NHSL2: variants seen among roughly 807,000 people sequenced by gnomAD.
The protein encoded by NHSL2 is NHS like 2, also known as NHS-like protein 2.
A neutral mutation model predicts 53.4 loss-of-function variants in NHSL2; 27 were observed. The ratio of observed to expected loss-of-function variants is 0.51; its 90% CI spans 0.37 to 0.70. NHSL2 has a LOEUF of 0.70. Ranked by LOEUF, NHSL2 falls within the 30% of genes least tolerant of loss-of-function variation. The pLI, the probability that NHSL2 is intolerant of heterozygous loss-of-function variation, is 0.00. For synonymous variants in NHSL2, 408 were observed against 404.1 expected (o/e 1.01, Z -0.12); for missense variants, 892 against 980.1 (o/e 0.91, Z 1.20).
chrX:72,142,604 G>C lies in NHSL2; in HGVS notation c.3356+240G>C, dbSNP rs148375713. On this transcript the variant is annotated intron_variant, in intron 7 of 7. Transcript: ENST00000633930. ...AAATTCACTGACATCGTTGGGTAAA[G>C]TGGAGGAAGGGAGGGGAGAGGAGGA... Among the ~76,000 whole-genome samples, 2,705 of 111,279 alleles carry C rather than the reference G, an allele frequency of 0.024. 132 individuals carry two copies. The East Asian group carries it at 0.28, about 12-fold the overall frequency.
chrX:72,099,055 G>A (rs779656193), intron 1 of NHSL2, among the ~76,000 whole-genome samples: 1 of 111,305 alleles, frequency 9.0e-6, no homozygotes, highest in Non-Finnish European at 1.9e-5. Context: ...TCTTCTTAAT[G>A]GCTGCATATC....
chrX:71,935,592 C>T (rs2041734456), intron 1 of NHSL2, among the ~76,000 whole-genome samples: 2 of 112,618 alleles, frequency 1.8e-5, no homozygotes, highest in African/African-American at 6.4e-5. Context: ...TTCTGAGGTA[C>T]ACTCTGTAGC....
intron 1 of NHSL2, among the ~76,000 whole-genome samples, chrX:71,986,578 A>G (rs1036957762): frequency 8.9e-6 from 1 of 112,323 alleles, no homozygotes; most frequent in African/African-American, 3.2e-5. Flanking sequence ...AGAAAACCAA[A>G]TTTCATATTT....
At chrX:72,108,501 G>A (rs141703828) in intron 1 of NHSL2, among the ~76,000 whole-genome samples, 1 of 112,962 alleles carries the variant, frequency 8.9e-6, no homozygotes. Flanking sequence ...GCTGATAAGC[G>A]ACAGAGCCAG....
chrX:72,016,359 C>A (rs1285136309), intron 1 of NHSL2, among the ~76,000 whole-genome samples: 1 of 112,029 alleles, frequency 8.9e-6, no homozygotes, highest in Non-Finnish European at 1.9e-5. Flanking sequence ...CAATGCCACA[C>A]CCTGTTAATT....
intron 1 of NHSL2, among the ~76,000 whole-genome samples, chrX:71,950,901 A>T (rs910521482): frequency 3.6e-5 from 4 of 110,691 alleles, no homozygotes; most frequent in African/African-American, 1.3e-4. Context: ...GAAGCATTAG[A>T]GTTAAGTCCA....
At chrX:72,131,464 C>A (rs1004846103) in intron 1 of NHSL2, 11 of 1,207,503 alleles carry the variant, frequency 9.1e-6, no homozygotes, top group Non-Finnish European at 1.1e-5. Context: ...ATTCTCCCCG[C>A]GAAGGGCATT....
chrX:71,991,675 G>T (rs766437175), intron 1 of NHSL2, among the ~76,000 whole-genome samples: 1 of 112,772 alleles, frequency 8.9e-6, no homozygotes, highest in South Asian at 3.6e-4. Context: ...CTATACAGAG[G>T]GCACTGGTTG....
In NHSL2 at chrX:72,138,914, G is replaced by A; in HGVS notation, c.1366G>A (p.Gly456Ser). The change falls in exon 6 of 8, where the codon GGC becomes AGC. Residue 456 changes from glycine to serine, a missense_variant. By Grantham distance (56) the Gly-to-Ser change is moderately conservative. Transcript: ENST00000633930. ...DNPAGCSGSA[G>S]YPERLIQQRH... The stretch of plus-strand genomic sequence containing the variant: ...CCCAGCAGGATGCAGTGGGTCAGCT[G>A]GCTACCCTGAGCGCCTTATTCAGCA... 1 of 1,210,060 alleles carries A rather than the reference G, an allele frequency of 8.3e-7. No individual in the cohort carries two copies. Among genetic ancestry groups the A allele is most frequent in the Non-Finnish European group, 1.1e-6 (1 of 894,516 alleles).
In NHSL2 at chrX:72,041,321, T is replaced by A. The variant is rs1335394757; in HGVS notation, c.281-90758T>A. Reference sequence around the variant, plus strand: ...GTGGCCCTCCGTGCTCAGAGTACCATAGGGATGTGTGCGGACCGTGGGAAA... The same window carrying A: ...GTGGCCCTCCGTGCTCAGAGTACCAAAGGGATGTGTGCGGACCGTGGGAAA... On this transcript the variant is annotated intron_variant, in intron 1 of 7. Coordinates refer to ENST00000633930, the MANE Select transcript of NHSL2 (RefSeq NM_001013627.3). Among the ~76,000 whole-genome samples the A allele has an allele frequency of 2.7e-5, 3 of 111,450 alleles. No individual in the cohort carries two copies. The East Asian group carries it at 8.4e-4, about 31-fold the overall frequency.
Position 72,011,591 on chromosome X carries a change from A to C in NHSL2, c.280+100224A>C, listed in dbSNP as rs1310690657. Among the ~76,000 whole-genome samples the C allele has an allele frequency of 5.4e-5, 6 of 111,016 alleles. No individual in the cohort carries two copies. In the East Asian group the frequency reaches 1.1e-3, roughly 21 times the overall value. On this transcript the variant is annotated intron_variant, in intron 1 of 7. Coordinates refer to ENST00000633930, the MANE Select transcript of NHSL2 (RefSeq NM_001013627.3). ...AGGCTGAGGCAGGAGAATTGCTTCAACCTGGGAGGTGGAGGTTGCAGTGAG... is the reference window on the plus strand; with the variant it reads ...AGGCTGAGGCAGGAGAATTGCTTCACCCTGGGAGGTGGAGGTTGCAGTGAG...
chrX:72,022,207 G>A (rs1190243692), intron 1 of NHSL2, among the ~76,000 whole-genome samples: 1 of 111,901 alleles, frequency 8.9e-6, no homozygotes, highest in Non-Finnish European at 1.9e-5. Context: ...CCTGTTGGTG[G>A]TTTGAAGAGC....
intron 4 of NHSL2, among the ~76,000 whole-genome samples, chrX:72,136,462 A>G (rs2042356495): frequency 8.9e-6 from 1 of 112,094 alleles, no homozygotes; most frequent in Non-Finnish European, 1.9e-5. Flanking sequence ...AGCCAGTGCC[A>G]GGAAAAAAAG....
rs941133609 is a variant in NHSL2, at chrX:72,151,390, T to C, written c.*7816T>C. The C allele has an allele frequency of 7.2e-5, 8 of 111,628 alleles. No individual in the cohort carries two copies. The highest frequency in any genetic ancestry group is 2.6e-4 in the African/African-American group (8 of 30,602). 9.2% of individuals were successfully genotyped at this position (111,628 alleles called of 1,213,427 possible). ...GGCTGACCCCTGATCCAGACTGTCT[T>C]CTGAGACAAGCATTTCTGTGAGCTG... On this transcript the variant is annotated 3_prime_UTR_variant, in exon 8 of 8. Coordinates refer to ENST00000633930, the MANE Select transcript of NHSL2 (RefSeq NM_001013627.3).
At chrX:72,026,370 G>A (rs1057315015) in intron 1 of NHSL2, among the ~76,000 whole-genome samples, 5 of 112,339 alleles carry the variant, frequency 4.5e-5, no homozygotes, top group Admixed American at 1.9e-4. Context: ...GCCTCAGAAG[G>A]AAAAGGGCCT....
intron 1 of NHSL2, among the ~76,000 whole-genome samples, chrX:72,004,621 A>G (rs1353671599): frequency 1.4e-4 from 16 of 110,748 alleles, no homozygotes; most frequent in African/African-American, 4.9e-4. Context: ...CGGCCCTGCA[A>G]TTCAGGCCAT....
At chrX:72,018,024 C>G (rs2042142523) in intron 1 of NHSL2, among the ~76,000 whole-genome samples, 2 of 112,195 alleles carry the variant, frequency 1.8e-5, no homozygotes, top group African/African-American at 6.5e-5. Context: ...TCACTGCCCT[C>G]TGCCCTATAT....
intron 1 of NHSL2, among the ~76,000 whole-genome samples, chrX:72,039,633 C>A (rs929704501): frequency 5.4e-5 from 6 of 111,846 alleles, no homozygotes; most frequent in Non-Finnish European, 1.1e-4. Flanking sequence ...TCAGCTGCGT[C>A]CTGTGTGGAG....
chrX:72,113,713 C>G (rs1389027305), intron 1 of NHSL2, among the ~76,000 whole-genome samples: 2 of 112,478 alleles, frequency 1.8e-5, no homozygotes, highest in East Asian at 5.6e-4. Flanking sequence ...TTTCGTTTTC[C>G]TACATTTCTC....
Sources: gnomAD v4.1 joint callset for allele counts (sites outside exome capture counted in the v4.1 genomes callset) on GRCh38, gnomAD v4.1.1 for gene constraint, MANE v1.5 for transcripts, NCBI Gene and HGNC (gene_info 2026-07-23, HGNC 2026-07-21) for gene names.